Variants in ASMTL observed in about 807,000 individuals in gnomAD.
ASMTL encodes probable bifunctional dTTP/UTP pyrophosphatase/methyltransferase protein.
In ASMTL, 57 loss-of-function variants were observed where a neutral mutation model predicts 60.3. That is an observed-to-expected ratio of 0.95 (90% CI 0.76 to 1.18). ASMTL has a LOEUF of 1.18. ASMTL is among the 50% of genes most tolerant of loss of function. ASMTL has a pLI of 0.00. For missense variants in ASMTL, 981 were observed against 852.6 expected (o/e 1.15, Z -1.88); for synonymous variants, 419 against 373.0 (o/e 1.12, Z -1.42).
intron 11 of ASMTL, among the ~76,000 whole-genome samples, chrX:1,415,986 GACAC>G (rs1330279456): frequency 6.6e-6 from 1 of 151,578 alleles, no homozygotes; most frequent in Non-Finnish European, 1.5e-5. Flanking sequence ...TACACACATG[GACAC>G]ACAGATACAG....
intron 1 of ASMTL, among the ~76,000 whole-genome samples, chrX:1,448,806 A>C (rs1210649543): frequency 6.6e-6 from 1 of 152,004 alleles, no homozygotes; most frequent in Non-Finnish European, 1.5e-5. Flanking sequence ...AAGCACCACC[A>C]TCTTGGACAA....
chrX:1,442,665 G>T (rs2091133612), intron 1 of ASMTL, among the ~76,000 whole-genome samples: 1 of 152,164 alleles, frequency 6.6e-6, no homozygotes, highest in African/African-American at 2.4e-5. Flanking sequence ...AGCCAACAGT[G>T]TCCGAGGATT....
rs778592327 is a variant in ASMTL at position 1,435,013 on chromosome X, C to T, written c.400+9G>A. 53 of 1,613,514 alleles carry T rather than the reference C, an allele frequency of 3.3e-5. No homozygotes were observed. The highest frequency in any genetic ancestry group is 1.9e-4 in the South Asian group (17 of 91,060). ...TCTGGGGCTACCCCGAAACCTGGGC[C>T]GCGGTTACCTTTGCTGGAGCAGTGG... On this transcript the variant is annotated intron_variant, in intron 5 of 12. Coordinates refer to ENST00000381317, the MANE Select transcript of ASMTL (RefSeq NM_004192.4).
chrX:1,426,261 T>C (rs1402156316), intron 7 of ASMTL, among the ~76,000 whole-genome samples: 1 of 152,082 alleles, frequency 6.6e-6, no homozygotes, highest in Non-Finnish European at 1.5e-5. Flanking sequence ...TCAATGTCTG[T>C]TGTTTATAAA....
At chrX:1,427,476 C>T (rs1283581698) in intron 7 of ASMTL, among the ~76,000 whole-genome samples, 8 of 151,154 alleles carry the variant, frequency 5.3e-5, no homozygotes, top group South Asian at 2.1e-4. Context: ...GAGACACAGA[C>T]ACAGTGGATG....
chrX:1,412,750 C>T lies in ASMTL; in HGVS notation c.1627G>A (p.Ala543Thr), dbSNP rs371717238. ...DKVHKLLSRV[A>T]ESCKPGAGLL... ...CTCTCACCTGGCTTGCAGCTCTCGG[C>T]GACCCTGCTGAGTAACTTGTGGACT... The change falls in exon 12 of 13, where the codon GCC (alanine) becomes ACC (threonine). Residue 543 changes from alanine to threonine, a missense_variant. Ala to Thr is a moderately conservative substitution (Grantham distance 58). Coordinates refer to ENST00000381317, the MANE Select transcript of ASMTL (RefSeq NM_004192.4). The T allele has an allele frequency of 4.5e-5, 72 of 1,613,982 alleles. No homozygotes were observed. The East Asian group carries it at 6.5e-4, about 14-fold the overall frequency.
Position 1,435,414 on chromosome X carries a change from C to T in ASMTL, c.338+280G>A, listed in dbSNP as rs867475842. The stretch of plus-strand genomic sequence containing the variant: ...GGCTACGGGCTCAGGTCCAGGATGC[C>T]CAGTGGGAAGGACAGGACACTGCCA... On this transcript the variant is annotated intron_variant, in intron 4 of 12. Coordinates refer to ENST00000381317, the MANE Select transcript of ASMTL (RefSeq NM_004192.4). The T allele has an allele frequency of 3.1e-5, 19 of 606,512 alleles. No homozygotes were observed. In the Middle Eastern group the frequency reaches 3.1e-3, roughly 98 times the overall value. The allele number at this position is 606,512 out of a possible 1,614,324, so 37.6% of individuals were successfully genotyped here. A position where few individuals can be genotyped will look rare whatever the true frequency, so the allele number is the denominator to read the frequency against.
intron 8 of ASMTL, among the ~76,000 whole-genome samples, chrX:1,423,733 G>C (rs2090536453): frequency 7.5e-6 from 1 of 133,714 alleles, no homozygotes; most frequent in African/African-American, 2.8e-5. Flanking sequence ...GCAATCCACT[G>C]ATACATCTAT....
intron 9 of ASMTL, 115 bp from the exon 10 acceptor site, chrX:1,419,229 G>A (rs1341395337): frequency 8.2e-6 from 10 of 1,226,954 alleles, no homozygotes; most frequent in South Asian, 1.4e-5. Flanking sequence ...GGGCTCAGCC[G>A]CGCCTGGGCT....
intron 1 of ASMTL, among the ~76,000 whole-genome samples, chrX:1,451,162 C>T (rs1372077153): frequency 7.7e-6 from 1 of 130,442 alleles, no homozygotes; most frequent in African/African-American, 2.9e-5. Context: ...GGACACTCCT[C>T]CCTCCCCATC....
Position 1,452,829 on chromosome X carries a change from GCA to G in ASMTL, c.10_11del (p.Cys4ProfsTer32). The G allele has an allele frequency of 1.9e-6, 3 of 1,591,670 alleles. No homozygotes were observed. Among genetic ancestry groups the G allele is most frequent in the Non-Finnish European group, 2.6e-6 (3 of 1,176,038 alleles). MVL[C>X]PVIGKLLHKR... The stretch of plus-strand genomic sequence containing the variant: ...TGTGCAGCAGCTTCCCAATCACCGG[GCA>G]CAGCACCATGGCGTCCACGCCGGGA... On this transcript the variant is annotated frameshift_variant, in exon 1 of 13. Transcript: ENST00000381317. LOFTEE classifies it high-confidence loss of function.
At chrX:1,447,008 T>C (rs1243872291) in intron 1 of ASMTL, among the ~76,000 whole-genome samples, 3 of 152,218 alleles carry the variant, frequency 2.0e-5, no homozygotes, top group African/African-American at 7.2e-5. Flanking sequence ...TTTCTCCAAT[T>C]TTTCCTAACT....
intron 1 of ASMTL, among the ~76,000 whole-genome samples, chrX:1,447,942 A>ACACCATCTTGGAAAAGCAC (rs1280094906): frequency 7.9e-6 from 1 of 126,974 alleles, no homozygotes; most frequent in African/African-American, 3.0e-5. Flanking sequence ...TGGATACACA[A>ACACCATCTTGGAAAAGCAC]CACCATCTTG....
chrX:1,421,986 G>A (rs1269051058), intron 8 of ASMTL, 144 bp from the exon 9 acceptor site: 1 of 744,422 alleles, frequency 1.3e-6, no homozygotes, highest in African/African-American at 1.8e-5. Context: ...CCTGACCATA[G>A]GGGATGCATC....
At position 1,419,013 on chromosome X, in the gene ASMTL, C is replaced by T. The variant is rs751230369; in HGVS notation, c.1347G>A (p.Leu449=). 2 of 1,611,844 alleles carry T rather than the reference C, an allele frequency of 1.2e-6. No individual in the cohort carries two copies. The highest frequency in any genetic ancestry group is 1.7e-6 in the Non-Finnish European group (2 of 1,179,794). Reference sequence around the variant, plus strand: ...CGTCGCAGGCGGAGGAGAAGCGGGACAGATTGAAGGCCGTGGCCACCTGGC... The same window carrying T: ...CGTCGCAGGCGGAGGAGAAGCGGGATAGATTGAAGGCCGTGGCCACCTGGC... ...TACQVATAFN[L]SRFSSACDVG... is the part of the protein sequence containing the mutation. Residue 449 remains leucine, a synonymous_variant, in exon 10 of 13, where the codon CTG becomes CTA. Transcript: ENST00000381317.
At chrX:1,452,612 C>G (rs1313315260) in intron 1 of ASMTL, 136 bp downstream of exon 1, 1 of 676,352 alleles carries the variant, frequency 1.5e-6, no homozygotes, top group Non-Finnish European at 2.4e-6. Flanking sequence ...GGTCCCGGGA[C>G]ACTCTCCCCT....
rs757733259 is a variant in ASMTL, at chrX:1,427,875, G to A, written c.756C>T (p.Asp252=). The A allele has an allele frequency of 5.0e-6, 8 of 1,613,184 alleles. No homozygotes were observed. The highest frequency in any genetic ancestry group is 2.2e-5 in the East Asian group (1 of 44,876). The change falls in exon 7 of 13, where the codon GAC becomes GAT. Residue 252 remains aspartate (D), a synonymous_variant. Coordinates refer to ENST00000381317, the MANE Select transcript of ASMTL (RefSeq NM_004192.4). ...CGGCCTTCTCATCGCGGCTGCCCGC[G>A]TCCCTCTGAGTGGGCTCCGAGCCGC... ...EGGGSEPTQR[D]AGSRDEKAEA... is the part of the protein sequence containing the mutation.
intron 2 of ASMTL, among the ~76,000 whole-genome samples, chrX:1,440,243 C>T (rs1351724480): frequency 1.3e-5 from 2 of 152,186 alleles, no homozygotes; most frequent in South Asian, 2.1e-4. Context: ...CCCGCCACCG[C>T]GCCCAGCCAA....
chrX:1,452,885 G>C lies in ASMTL; in HGVS notation c.-45C>G, dbSNP rs2091431810. The C allele has an allele frequency of 7.1e-7, 1 of 1,409,422 alleles. No individual in the cohort carries two copies. Among genetic ancestry groups the C allele is most frequent in the East Asian group, 2.8e-5 (1 of 36,022 alleles). The allele number at this position is 1,409,422 out of a possible 1,614,324, so 87.3% of individuals were successfully genotyped here. On this transcript the variant is annotated 5_prime_UTR_variant, in exon 1 of 13. Transcript: ENST00000381317. ...GGGCGTCCGCACTTCTGAGCCCGGA[G>C]CCCGCGGTGCGCGCAGCGCGGCTGC...
Sources: allele counts gnomAD v4.1 joint callset (sites outside exome capture counted in the v4.1 genomes callset), GRCh38; gene constraint gnomAD v4.1.1; transcripts MANE v1.5; gene names NCBI Gene and HGNC (gene_info 2026-07-23, HGNC 2026-07-21).